MYH9: variants seen among roughly 807,000 people sequenced by gnomAD.
The protein encoded by MYH9 is myosin heavy chain 9, also known as myosin-9.
Under a neutral mutation model 241.9 loss-of-function variants are expected in MYH9, and 29 were observed. The observed-to-expected ratio is 0.12, with a 90% CI of 0.09 to 0.16. MYH9 has a LOEUF of 0.16. MYH9 is among the 10% of genes least tolerant of loss of function. MYH9 has a pLI of 1.00. For synonymous variants in MYH9, 1,047 were observed against 1,062.6 expected (o/e 0.99, Z 0.29); for missense variants, 1,803 against 2,595.5 (o/e 0.69, Z 6.63).
chr22:36,344,989 C>T (rs1385616492), intron 2 of MYH9, among the ~76,000 whole-genome samples: 3 of 152,312 alleles, frequency 2.0e-5, no homozygotes, highest in African/African-American at 7.2e-5. Context: ...GGCCTTGCCC[C>T]GAGCCAGGTG....
intron 35 of MYH9, among the ~76,000 whole-genome samples, chr22:36,286,337 G>A (rs1003518575): frequency 1.3e-5 from 2 of 152,080 alleles, no homozygotes; most frequent in Admixed American, 6.6e-5. Flanking sequence ...GGACGCACTC[G>A]CAGCCGGCAC....
intron 1 of MYH9, among the ~76,000 whole-genome samples, chr22:36,377,804 G>C (rs1224078091): frequency 2.6e-5 from 4 of 152,126 alleles, no homozygotes; most frequent in Non-Finnish European, 2.9e-5. Context: ...TCAGCTACTC[G>C]GGAGGCTGAG....
chr22:36,382,251 G>C (rs2018269177), intron 1 of MYH9, among the ~76,000 whole-genome samples: 1 of 152,116 alleles, frequency 6.6e-6, no homozygotes, highest in African/African-American at 2.4e-5. Flanking sequence ...AAGGCGGGCG[G>C]ATCACCTGAG....
intron 24 of MYH9, among the ~76,000 whole-genome samples, chr22:36,297,705 T>A (rs1175448395): frequency 6.6e-6 from 1 of 152,238 alleles, no homozygotes; most frequent in Non-Finnish European, 1.5e-5. Flanking sequence ...CTTACTTATG[T>A]ACCCGTCCTG....
chr22:36,378,307 G>C (rs62228867), intron 1 of MYH9, among the ~76,000 whole-genome samples: 3,161 of 152,108 alleles, frequency 0.021, 65 homozygotes, highest in Non-Finnish European at 0.033. Context: ...GGGAGGAAGA[G>C]GAGGAACAGA....
At chr22:36,283,033 A>G (rs1794925624) in intron 40 of MYH9, among the ~76,000 whole-genome samples, 1 of 152,226 alleles carries the variant, frequency 6.6e-6, no homozygotes, top group Non-Finnish European at 1.5e-5. Context: ...AGTAGCACAA[A>G]AACAGCTCAG....
intron 1 of MYH9, among the ~76,000 whole-genome samples, chr22:36,351,886 A>T (rs117357163): frequency 6.6e-6 from 1 of 152,068 alleles, no homozygotes; most frequent in Non-Finnish European, 1.5e-5. Context: ...TCCTACCGAG[A>T]GCAGAAGGGG....
In MYH9 at chr22:36,295,143, T is replaced by C. The variant is rs2016768810; in HGVS notation, c.3486-67A>G. ...GGAGCGAGGCTGTCCCTGGGGCTCT[T>C]CCCTGACCAAAGAGAGGCCTGGCCA... On this transcript the variant is annotated intron_variant, in intron 26 of 40. Transcript: ENST00000216181. The surrounding 1 kb of genome is among the most constrained non-coding windows in gnomAD (Gnocchi z 4.1). 6.2e-7 allele frequency: 1 copy of C among 1,610,000 alleles called. No individual in the cohort carries two copies. Among genetic ancestry groups the C allele is most frequent in the African/African-American group, 1.3e-5 (1 of 74,968 alleles).
intron 14 of MYH9, among the ~76,000 whole-genome samples, chr22:36,310,744 G>A (rs573389561): frequency 1.1e-4 from 17 of 151,912 alleles, no homozygotes; most frequent in South Asian, 8.4e-4. Context: ...TGATGCCATC[G>A]TGCAGGCCCC....
At chr22:36,338,828 A>C (rs891486406) in intron 3 of MYH9, among the ~76,000 whole-genome samples, 1 of 151,844 alleles carries the variant, frequency 6.6e-6, no homozygotes, top group East Asian at 1.9e-4. Flanking sequence ...TCAAAAAAAA[A>C]AAAAAAGAAA....
intron 1 of MYH9, among the ~76,000 whole-genome samples, chr22:36,377,998 G>A (rs1296082857): frequency 6.6e-6 from 1 of 151,912 alleles, no homozygotes; most frequent in African/African-American, 2.4e-5. Flanking sequence ...GGAGAAGCTG[G>A]ACGAGGTGGC....
At position 36,386,250 on chromosome 22, in the gene MYH9, TACTC is replaced by T. The variant is rs900549279; in HGVS notation, c.-20+1553_-20+1556del. Among the ~76,000 whole-genome samples, 6 of 152,122 alleles carry T rather than the reference TACTC, an allele frequency of 3.9e-5. No individual in the cohort carries two copies. In the South Asian group the frequency reaches 6.2e-4, roughly 16 times the overall value. Reference sequence around the variant, plus strand: ...GTGCCCATGGGCACGGGCCAGGTCTTACTCAACCTCCCACCCCCCCACCACCTGG... The same window carrying T: ...GTGCCCATGGGCACGGGCCAGGTCTTAACCTCCCACCCCCCCACCACCTGG... On this transcript the variant is annotated intron_variant, in intron 1 of 40. Coordinates refer to ENST00000216181, the MANE Select transcript of MYH9 (RefSeq NM_002473.6).
chr22:36,285,168 G>T lies in MYH9; in HGVS notation c.5436C>A (p.Leu1812=). The change falls in exon 38 of 41, where the codon CTC becomes CTA. Residue 1812 remains leucine, a synonymous_variant. Transcript: ENST00000216181. The surrounding 1 kb of genome is among the most constrained non-coding windows in gnomAD (Gnocchi z 7.0). ...KSKYKASITA[L]EAKIAQLEEQ... ...CCTCCAGCTGTGCAATCTTGGCCTC[G>T]AGGGCGGTGATGGAGGCCTTGTACT... 6.2e-7 allele frequency: 1 copy of T among 1,614,122 alleles called. No homozygotes were observed. The highest frequency in any genetic ancestry group is 8.5e-7 in the Non-Finnish European group (1 of 1,180,032).
rs2016849336 is a variant in MYH9, at chr22:36,300,004, T to G, written c.2976+123A>C. 8 of 1,403,026 alleles carry G rather than the reference T, an allele frequency of 5.7e-6. No individual in the cohort carries two copies. Among genetic ancestry groups the G allele is most frequent in the Non-Finnish European group, 6.0e-6 (6 of 1,004,942 alleles). The allele number at this position is 1,403,026 out of a possible 1,614,324, so 86.9% of individuals were successfully genotyped here. A position where few individuals can be genotyped will look rare whatever the true frequency, so the allele number is the denominator to read the frequency against. On this transcript the variant is annotated intron_variant, in intron 23 of 40. Coordinates refer to ENST00000216181, the MANE Select transcript of MYH9 (RefSeq NM_002473.6). This position sits in a 1 kb window ranked among gnomAD's most constrained non-coding sequence, Gnocchi z 5.0. ...AGCACTTGCAGTTAAGCAGAAGCCC[T>G]CATGCTGCAGGCAGAAGAGACAGGA... is the stretch of plus-strand genomic sequence containing the variant.
chr22:36,286,062 C>G, intron 35 of MYH9, 109 bp from the exon 36 acceptor site: 1 of 1,193,990 alleles, frequency 8.4e-7, no homozygotes, highest in Non-Finnish European at 1.2e-6. Context: ...CCCACCTCCC[C>G]ACGAAGCCCT....
intron 1 of MYH9, among the ~76,000 whole-genome samples, chr22:36,362,900 C>T (rs753979121): frequency 2.0e-5 from 3 of 152,128 alleles, no homozygotes; most frequent in Non-Finnish European, 4.4e-5. Flanking sequence ...AGAAGTGTGC[C>T]CCCTACAGCC....
intron 3 of MYH9, among the ~76,000 whole-genome samples, chr22:36,338,806 T>C (rs2017538434): frequency 7.0e-6 from 1 of 142,676 alleles, no homozygotes; most frequent in African/African-American, 2.6e-5. Flanking sequence ...GATGACAGAG[T>C]GAGACTCCAT....
At position 36,282,577 on chromosome 22, in the gene MYH9, AAG is replaced by A; in HGVS notation, c.*89_*90del. 8.4e-7 allele frequency: 1 copy of A among 1,191,320 alleles called. No homozygotes were observed. Among genetic ancestry groups the A allele is most frequent in the Non-Finnish European group, 1.2e-6 (1 of 802,494 alleles). 73.8% of individuals were successfully genotyped at this position (1,191,320 alleles called of 1,614,324 possible). On this transcript the variant is annotated 3_prime_UTR_variant, in exon 41 of 41. Transcript: ENST00000216181. The stretch of plus-strand genomic sequence containing the variant: ...GAGGAGGCATGTTCACAGCAGTCCC[AAG>A]AAGGTGGGGAGAGGCGTGCTGCGGG...
At chr22:36,318,835 C>T (rs2017203138) in intron 10 of MYH9, among the ~76,000 whole-genome samples, 2 of 152,174 alleles carry the variant, frequency 1.3e-5, no homozygotes, top group African/African-American at 4.8e-5. Context: ...GCGATTTCGG[C>T]TCACTGCAAC....
Sources: gnomAD v4.1 joint callset for allele counts (sites outside exome capture counted in the v4.1 genomes callset) on GRCh38, gnomAD v4.1.1 for gene constraint, Gnocchi (gnomAD v3.1) non-coding constraint, MANE v1.5 for transcripts, NCBI Gene and HGNC (gene_info 2026-07-23, HGNC 2026-07-21) for gene names.